DNAJC11: variants seen among roughly 807,000 people sequenced by gnomAD.
DNAJC11 encodes the protein DnaJ heat shock protein family (Hsp40) member C11, also known as dnaJ homolog subfamily C member 11.
DNAJC11 carries 15 observed loss-of-function variants against 78.6 expected under a neutral mutation model. The ratio of observed to expected loss-of-function variants is 0.19; its 90% CI spans 0.13 to 0.29. The LOEUF (loss-of-function observed/expected upper bound fraction) is 0.29, where lower values mean the gene tolerates loss of function less well. Among genes scored for constraint, DNAJC11 ranks in the 10% least tolerant of loss-of-function variants. The pLI is 1.00. For synonymous variants in DNAJC11, 292 were observed against 272.1 expected (o/e 1.07, Z -0.72); for missense variants, 547 against 709.6 (o/e 0.77, Z 2.60).
chr1:6,686,760 C>T (rs1020713900), intron 1 of DNAJC11, among the ~76,000 whole-genome samples: 1 of 152,234 alleles, frequency 6.6e-6, no homozygotes, highest in African/African-American at 2.4e-5. Context: ...TAATTTGATA[C>T]TTTGAAGACT....
rs942151951 is a variant in DNAJC11, at chr1:6,652,733, C to A, written c.630+96G>T. ...GTACCGTTCTTACACAACAACGGGG[C>A]CCCCAGGGTGAGTTTGAGGGTGAGC... On this transcript the variant is annotated intron_variant, in intron 6 of 15. Coordinates refer to ENST00000377577, the MANE Select transcript of DNAJC11 (RefSeq NM_018198.4). 7.8e-6 allele frequency: 12 copies of A among 1,537,432 alleles called. No individual in the cohort carries two copies. In the Admixed American group the frequency reaches 1.7e-4, roughly 21 times the overall value.
chr1:6,659,374 C>T (rs781772756), intron 4 of DNAJC11, among the ~76,000 whole-genome samples: 14 of 152,228 alleles, frequency 9.2e-5, no homozygotes, highest in Non-Finnish European at 2.1e-4. Flanking sequence ...CTATCTGCAA[C>T]ACTCTTCACC....
At chr1:6,668,782 A>G (rs1490913859) in intron 3 of DNAJC11, among the ~76,000 whole-genome samples, 5 of 152,158 alleles carry the variant, frequency 3.3e-5, no homozygotes, top group Non-Finnish European at 7.3e-5. Flanking sequence ...ATAACAGTAT[A>G]TGAACCTTAG....
intron 7 of DNAJC11, chr1:6,650,888 T>A: frequency 3.1e-6 from 1 of 319,608 alleles, no homozygotes; most frequent in Non-Finnish European, 6.4e-6. Flanking sequence ...AATAAATAAA[T>A]AAATAAAATA....
intron 3 of DNAJC11, among the ~76,000 whole-genome samples, chr1:6,671,238 A>G (rs1449739284): frequency 6.6e-6 from 1 of 152,152 alleles, no homozygotes; most frequent in Non-Finnish European, 1.5e-5. Context: ...TTTGAGACAG[A>G]GTCTTGCTCA....
rs1222028818 is a variant in DNAJC11, at chr1:6,662,128, G to GTTTTTTTT, written c.378+5580_378+5581insAAAAAAAA. Among the ~76,000 whole-genome samples, 471 of 137,478 alleles carry GTTTTTTTT rather than the reference G, an allele frequency of 3.4e-3. 2 individuals carry two copies. The highest frequency in any genetic ancestry group is 4.4e-3 in the Non-Finnish European group (282 of 64,372). The allele number at this position is 137,478 out of a possible 152,430, so 90.2% of individuals were successfully genotyped here. A position where few individuals can be genotyped will look rare whatever the true frequency, so the allele number is the denominator to read the frequency against. On this transcript the variant is annotated intron_variant, in intron 4 of 15. Coordinates refer to ENST00000377577, the MANE Select transcript of DNAJC11 (RefSeq NM_018198.4). ...CACCATGCCCAGTTAATTGTTTTTT[G>GTTTTTTTT]TTTTTTGTTTTTTTTTTTTGTAGAG...
At chr1:6,674,831 G>A (rs1442887968) in intron 3 of DNAJC11, among the ~76,000 whole-genome samples, 1 of 152,164 alleles carries the variant, frequency 6.6e-6, no homozygotes, top group Non-Finnish European at 1.5e-5. Flanking sequence ...CTAGTTGGTG[G>A]AGTACTTTGA....
At chr1:6,644,770 C>A in intron 9 of DNAJC11, 96 bp from the exon 10 acceptor site, 1 of 1,087,136 alleles carries the variant, frequency 9.2e-7, no homozygotes. Context: ...TCCCTTCCCT[C>A]CCTCCAGCCT....
chr1:6,700,336 G>T (rs530442571), intron 1 of DNAJC11, among the ~76,000 whole-genome samples: 1 of 152,130 alleles, frequency 6.6e-6, no homozygotes, highest in Non-Finnish European at 1.5e-5. Context: ...CAGCCCATAC[G>T]CACCCAGGTG....
chr1:6,700,045 T>C (rs1165360082), intron 1 of DNAJC11, among the ~76,000 whole-genome samples: 3 of 152,206 alleles, frequency 2.0e-5, no homozygotes, highest in African/African-American at 7.2e-5. Flanking sequence ...AGCCAGGTCC[T>C]GCCTTAACTG....
At chr1:6,676,953 C>T (rs933696804) in intron 3 of DNAJC11, among the ~76,000 whole-genome samples, 13 of 151,812 alleles carry the variant, frequency 8.6e-5, no homozygotes, top group Non-Finnish European at 1.6e-4. Context: ...GTGGGTGGAT[C>T]GTCTGAGGTC....
chr1:6,700,467 AG>A (rs1642907899), intron 1 of DNAJC11, among the ~76,000 whole-genome samples: 1 of 152,220 alleles, frequency 6.6e-6, no homozygotes, highest in African/African-American at 2.4e-5. Context: ...TGGTAAGGTA[AG>A]GTGACAGACT....
At chr1:6,676,922 C>G (rs1311202488) in intron 3 of DNAJC11, among the ~76,000 whole-genome samples, 1 of 151,946 alleles carries the variant, frequency 6.6e-6, no homozygotes, top group Admixed American at 6.6e-5. Context: ...GCCTGTAATC[C>G]CAGCACTTTG....
At chr1:6,672,094 C>G (rs1356717314) in intron 3 of DNAJC11, among the ~76,000 whole-genome samples, 1 of 152,260 alleles carries the variant, frequency 6.6e-6, no homozygotes, top group Admixed American at 6.5e-5. Context: ...CTTGACTTCC[C>G]AAAGTGTTGG....
chr1:6,692,609 A>ATG (rs1642763011), intron 1 of DNAJC11, among the ~76,000 whole-genome samples: 1 of 127,380 alleles, frequency 7.9e-6, no homozygotes, highest in African/African-American at 3.0e-5. Context: ...TGCTTCAGGA[A>ATG]TTTTTTTTTT....
intron 2 of DNAJC11, among the ~76,000 whole-genome samples, chr1:6,679,308 T>C (rs926256318): frequency 3.3e-5 from 5 of 152,220 alleles, no homozygotes; most frequent in African/African-American, 1.2e-4. Context: ...TCCTCTCTAT[T>C]TGTAAATAAT....
intron 6 of DNAJC11, among the ~76,000 whole-genome samples, chr1:6,652,003 T>G (rs150393497): frequency 1.3e-3 from 200 of 151,060 alleles, no homozygotes; most frequent in Non-Finnish European, 2.5e-3. Context: ...GCCGACTCCT[T>G]TTCATTTTCA....
At chr1:6,658,927 C>T (rs1175068227) in intron 4 of DNAJC11, among the ~76,000 whole-genome samples, 2 of 152,196 alleles carry the variant, frequency 1.3e-5, no homozygotes, top group African/African-American at 4.8e-5. Flanking sequence ...TGCCTGCCGG[C>T]CCTGGGTCTA....
intron 1 of DNAJC11, among the ~76,000 whole-genome samples, chr1:6,691,632 T>C (rs1179266842): frequency 6.6e-6 from 1 of 152,206 alleles, no homozygotes; most frequent in Non-Finnish European, 1.5e-5. Context: ...TTGATCTCTA[T>C]TGGCTTGGCA....
Sources: gnomAD v4.1 joint callset for allele counts (sites outside exome capture counted in the v4.1 genomes callset) on GRCh38, gnomAD v4.1.1 for gene constraint, MANE v1.5 for transcripts, NCBI Gene and HGNC (gene_info 2026-07-23, HGNC 2026-07-21) for gene names.